Variants in PSMG2 observed in about 807,000 individuals in gnomAD.
The protein encoded by PSMG2 is proteasome assembly chaperone 2.
In PSMG2, 21 loss-of-function variants were observed where a neutral mutation model predicts 31.5. The ratio of observed to expected loss-of-function variants is 0.67; its 90% confidence interval spans 0.47 to 0.96. The LOEUF (loss-of-function observed/expected upper bound fraction) is 0.96. Ranked by LOEUF, PSMG2 falls within the 40% of genes least tolerant of loss-of-function variation. PSMG2 has a pLI of 0.00. For synonymous variants in PSMG2, 120 were observed against 110.4 expected, an observed-to-expected ratio of 1.09 and a Z score of -0.54; for missense variants, 318 against 321.2, an observed-to-expected ratio of 0.99 and a Z score of 0.08.
At chr18:12,699,484 C>T (rs557194381), upstream of PSMG2, among the ~76,000 whole-genome samples, 2 of 152,308 alleles carry the variant, frequency 1.3e-5, no homozygotes, top group South Asian at 4.1e-4. Flanking sequence ...TGCTTTTTAA[C>T]TGCTTATCCA....
chr18:12,706,558 A>G lies in PSMG2; in HGVS notation c.66A>G (p.Val22=), dbSNP rs761354552. Residue 22 remains valine, a synonymous_variant, in exon 2 of 7, where the codon GTA becomes GTG. Transcript: ENST00000317615. ...LAGFTLLMPA[V]SVGNVGQLAM... ...ATCTTTTATAATTTCAGCCAGCAGT[A>G]TCTGTTGGAAATGTTGGCCAGCTTG... 7 of 1,613,662 alleles carry G rather than the reference A, an allele frequency of 4.3e-6. No individual in the cohort carries two copies. The highest frequency in any genetic ancestry group is 1.7e-5 in the Admixed American group (1 of 59,914).
chr18:12,700,926 ACT>A, upstream of PSMG2: 1 of 1,534,708 alleles, frequency 6.5e-7, no homozygotes, highest in Non-Finnish European at 9.0e-7. Context: ...ATACATATAT[ACT>A]CTCATTTATT....
chr18:12,667,848 CTTTTTTTTTTTT>C (rs36019439), intron 1 of PSMG2, among the ~76,000 whole-genome samples: 2 of 116,738 alleles, frequency 1.7e-5, no homozygotes, highest in Non-Finnish European at 3.4e-5. Flanking sequence ...CTTTCTGATC[CTTTTTTTTTTTT>C]TTTTTTTTTA....
At chr18:12,674,839 T>C in intron 1 of PSMG2, 1 of 723,356 alleles carries the variant, frequency 1.4e-6, no homozygotes. Flanking sequence ...TATTTTAATG[T>C]ATACCAAGAA....
intron 1 of PSMG2, among the ~76,000 whole-genome samples, chr18:12,666,074 T>G (rs1317173818): frequency 6.6e-6 from 1 of 150,598 alleles, no homozygotes; most frequent in Non-Finnish European, 1.5e-5. Flanking sequence ...CCCAGCATCT[T>G]GGGAGACTGA....
chr18:12,722,596 CAG>C (rs1220865130), intron 5 of PSMG2, among the ~76,000 whole-genome samples: 7 of 152,272 alleles, frequency 4.6e-5, no homozygotes, highest in East Asian at 3.9e-4. Context: ...CGGTGATAAA[CAG>C]AAAGTATTAT....
intron 1 of PSMG2, chr18:12,671,208 T>C (rs1175657157): frequency 6.6e-6 from 1 of 152,118 alleles, no homozygotes; most frequent in Non-Finnish European, 1.5e-5. Flanking sequence ...CCTCCAAAAG[T>C]GCTGGGATTA....
At chr18:12,699,718 G>T, upstream of PSMG2, 1 of 617,854 alleles carries the variant, frequency 1.6e-6, no homozygotes, top group Non-Finnish European at 2.7e-6. Flanking sequence ...AAAATTTTAA[G>T]TATTTTATTT....
At chr18:12,663,642 A>C (rs1240814468) in intron 1 of PSMG2, among the ~76,000 whole-genome samples, 1 of 152,254 alleles carries the variant, frequency 6.6e-6, no homozygotes, top group Non-Finnish European at 1.5e-5. Flanking sequence ...GAGAATTATC[A>C]ATAAAATTTT....
chr18:12,681,008 G>A (rs1598627248), intron 1 of PSMG2, among the ~76,000 whole-genome samples: 1 of 152,072 alleles, frequency 6.6e-6, no homozygotes, highest in African/African-American at 2.4e-5. Flanking sequence ...AGACCAGCCT[G>A]GCCAACATAA....
intron 1 of PSMG2, among the ~76,000 whole-genome samples, chr18:12,696,173 T>C (rs569667948): frequency 1.3e-5 from 2 of 152,348 alleles, no homozygotes; most frequent in South Asian, 4.1e-4. Flanking sequence ...CTATAATTTT[T>C]ATTTAAAGAA....
chr18:12,707,276 A>C (rs2040278670), intron 2 of PSMG2, among the ~76,000 whole-genome samples: 1 of 152,152 alleles, frequency 6.6e-6, no homozygotes, highest in Non-Finnish European at 1.5e-5. Flanking sequence ...TATCTTTTCT[A>C]GAATTTTTAA....
intron 1 of PSMG2, chr18:12,697,286 A>G: frequency 6.2e-7 from 1 of 1,614,126 alleles, no homozygotes; most frequent in Non-Finnish European, 8.5e-7. Context: ...ACCGATCGCC[A>G]TTCCAGAAAA....
chr18:12,688,818 T>C (rs1210428183), intron 1 of PSMG2, among the ~76,000 whole-genome samples: 1 of 152,110 alleles, frequency 6.6e-6, no homozygotes, highest in Non-Finnish European at 1.5e-5. Context: ...ATTTCCATCA[T>C]TGCAAAAAGT....
At chr18:12,674,111 C>G (rs2039032088) in intron 1 of PSMG2, among the ~76,000 whole-genome samples, 1 of 151,928 alleles carries the variant, frequency 6.6e-6, no homozygotes, top group African/African-American at 2.4e-5. Flanking sequence ...ATTGTAAAAG[C>G]TCCCATATGA....
At position 12,697,686 on chromosome 18, in the gene PSMG2, A is replaced by G. The variant is rs554908525; in HGVS notation, c.-36-8864A>G. On this transcript the variant is annotated intron_variant, in intron 1 of 6. Transcript: ENST00000585331. ...TAAGATAAGTCTGTTCTTTAAAAGT[A>G]CTTAACTAAAGTATATGCTACTACA... 2.0e-5 allele frequency among the ~76,000 whole-genome samples: 3 copies of G among 152,310 alleles called. No individual in the cohort carries two copies. The South Asian group carries it at 6.2e-4, about 32-fold the overall frequency.
intron 3 of PSMG2, among the ~76,000 whole-genome samples, chr18:12,716,669 C>T (rs545906443): frequency 6.6e-6 from 1 of 152,278 alleles, no homozygotes; most frequent in Non-Finnish European, 1.5e-5. Flanking sequence ...GCTGGGATTA[C>T]AGGCGTGAGC....
chr18:12,694,174 CAT>C (rs1312077302), intron 1 of PSMG2, among the ~76,000 whole-genome samples: 5 of 152,024 alleles, frequency 3.3e-5, no homozygotes, highest in African/African-American at 1.2e-4. Flanking sequence ...ACCCATGACA[CAT>C]GTCAGAAGCT....
intron 1 of PSMG2, chr18:12,685,823 G>C (rs1439915586): frequency 6.5e-6 from 1 of 152,762 alleles, no homozygotes; most frequent in Non-Finnish European, 1.5e-5. Flanking sequence ...GTAGAGATAG[G>C]GTTTCACCAT....
Sources: gnomAD v4.1 joint callset for allele counts (sites outside exome capture counted in the v4.1 genomes callset) on GRCh38, gnomAD v4.1.1 for gene constraint, MANE v1.5 for transcripts, NCBI Gene and HGNC (gene_info 2026-07-23, HGNC 2026-07-21) for gene names.